The following NRG1 variants were observed in gnomAD, a reference collection of about 807,000 sequenced individuals.
The protein encoded by NRG1 is pro-neuregulin-1, membrane-bound isoform.
NRG1 carries 18 observed loss-of-function variants against 63.8 expected under a neutral mutation model. That is an observed-to-expected ratio of 0.28 (90% CI 0.19 to 0.42). NRG1 has a LOEUF of 0.42. Ranked by LOEUF, NRG1 falls within the 10% of genes least tolerant of loss-of-function variation. The probability of loss-of-function intolerance (pLI) is 1.00; values close to 1 mark genes in which losing one functional copy is unlikely to be tolerated. For missense variants in NRG1, 762 were observed against 814.7 expected (o/e 0.94, Z 0.79); for synonymous variants, 302 against 301.3 (o/e 1.00, Z -0.02).
At chr8:31,969,090 T>C (rs192333516) in intron 1 of NRG1, among the ~76,000 whole-genome samples, 7 of 152,226 alleles carry the variant, frequency 4.6e-5, no homozygotes, top group African/African-American at 1.4e-4. Context: ...TCCTGTGTAG[T>C]GAGATGCCAT....
At chr8:31,736,809 G>C (rs776366594) in intron 1 of NRG1, among the ~76,000 whole-genome samples, 4 of 152,128 alleles carry the variant, frequency 2.6e-5, no homozygotes, top group South Asian at 4.1e-4. Flanking sequence ...AACTCAAGTA[G>C]ATAAGTAGCA....
chr8:32,656,178 T>C (rs560180503), intron 5 of NRG1, among the ~76,000 whole-genome samples: 28 of 152,234 alleles, frequency 1.8e-4, no homozygotes, highest in South Asian at 4.1e-4. Context: ...TATAATATTC[T>C]AAATAAAGGG....
chr8:31,715,415 C>T (rs1414211520), intron 1 of NRG1, among the ~76,000 whole-genome samples: 1 of 152,082 alleles, frequency 6.6e-6, no homozygotes, highest in Non-Finnish European at 1.5e-5. Context: ...CACTTGAATG[C>T]ATGGGCTGCT....
At chr8:32,407,300 A>AT (rs1814180692) in intron 1 of NRG1, among the ~76,000 whole-genome samples, 2 of 7,968 alleles carry the variant, frequency 2.5e-4, no homozygotes, top group Admixed American at 2.0e-3. Context: ...TATATTATAT[A>AT]TATATATATA....
At chr8:32,264,403 CA>C (rs1191928378) in intron 1 of NRG1, among the ~76,000 whole-genome samples, 1 of 151,814 alleles carries the variant, frequency 6.6e-6, no homozygotes, top group Non-Finnish European at 1.5e-5. Context: ...AACATTAGCA[CA>C]AAAAAATGTG....
At chr8:31,775,943 A>G (rs908460000) in intron 1 of NRG1, among the ~76,000 whole-genome samples, 3 of 151,360 alleles carry the variant, frequency 2.0e-5, no homozygotes, top group Non-Finnish European at 2.9e-5. Flanking sequence ...TTATTGGAAT[A>G]TGAAGCATTT....
chr8:32,175,483 G>T (rs1201463833), intron 1 of NRG1, among the ~76,000 whole-genome samples: 2 of 152,172 alleles, frequency 1.3e-5, no homozygotes, highest in African/African-American at 4.8e-5. Context: ...TTTGGCCAGG[G>T]CTATCAGGCA....
chr8:31,979,404 C>A (rs1808715676), intron 1 of NRG1, among the ~76,000 whole-genome samples: 1 of 152,104 alleles, frequency 6.6e-6, no homozygotes, highest in African/African-American at 2.4e-5. Flanking sequence ...CTTATATTTA[C>A]ACTGTTCTAT....
At chr8:31,735,911 C>T (rs1814619122) in intron 1 of NRG1, among the ~76,000 whole-genome samples, 2 of 152,194 alleles carry the variant, frequency 1.3e-5, no homozygotes, top group South Asian at 4.1e-4. Flanking sequence ...ACTTTAACTG[C>T]TACCATCCGT....
chr8:31,834,003 G>A (rs1825425489), intron 1 of NRG1, among the ~76,000 whole-genome samples: 1 of 152,172 alleles, frequency 6.6e-6, no homozygotes, highest in African/African-American at 2.4e-5. Context: ...TTCTGGACTG[G>A]CTTGCAGGTG....
chr8:32,430,018 A>G (rs993817877), intron 1 of NRG1, among the ~76,000 whole-genome samples: 3 of 152,204 alleles, frequency 2.0e-5, no homozygotes, highest in Admixed American at 6.5e-5. Flanking sequence ...AATGCACTAT[A>G]GGTTCAAATA....
At chr8:32,518,761 T>C (rs773170033) in intron 1 of NRG1, among the ~76,000 whole-genome samples, 1 of 152,142 alleles carries the variant, frequency 6.6e-6, no homozygotes, top group Non-Finnish European at 1.5e-5. Context: ...TTTGATTTGG[T>C]GTAATGGCAG....
At chr8:32,758,850 A>G (rs1426283946) in intron 9 of NRG1, among the ~76,000 whole-genome samples, 1 of 152,086 alleles carries the variant, frequency 6.6e-6, no homozygotes, top group Non-Finnish European at 1.5e-5. Flanking sequence ...GAGATTCTGA[A>G]TATTTTTTTC....
intron 5 of NRG1, among the ~76,000 whole-genome samples, chr8:32,702,128 G>A (rs1815057115): frequency 6.6e-6 from 1 of 152,112 alleles, no homozygotes; most frequent in Non-Finnish European, 1.5e-5. Flanking sequence ...GGGAATACGA[G>A]TCATTTATAA....
intron 1 of NRG1, among the ~76,000 whole-genome samples, chr8:31,750,309 C>T (rs1563358131): frequency 6.6e-6 from 1 of 151,892 alleles, no homozygotes; most frequent in Non-Finnish European, 1.5e-5. Context: ...AAGAAAGAAG[C>T]ACCGTGCTCC....
At chr8:32,436,033 C>T (rs1027710064) in intron 1 of NRG1, among the ~76,000 whole-genome samples, 4 of 152,136 alleles carry the variant, frequency 2.6e-5, no homozygotes, top group Non-Finnish European at 5.9e-5. Context: ...GTATTAATCA[C>T]TTCTCACACT....
At chr8:32,131,271 T>C (rs539717434) in intron 1 of NRG1, among the ~76,000 whole-genome samples, 1 of 152,148 alleles carries the variant, frequency 6.6e-6, no homozygotes, top group African/African-American at 2.4e-5. Context: ...GAGGAATATG[T>C]AAGTGAGGAA....
chr8:32,390,105 C>T (rs1048117445), intron 1 of NRG1, among the ~76,000 whole-genome samples: 4 of 152,050 alleles, frequency 2.6e-5, no homozygotes, highest in Non-Finnish European at 5.9e-5. Context: ...CCTTTCTGCA[C>T]CCTCTTCACT....
intron 5 of NRG1, among the ~76,000 whole-genome samples, chr8:32,661,854 A>G (rs1173843432): frequency 1.3e-5 from 2 of 152,198 alleles, no homozygotes; most frequent in African/African-American, 4.8e-5. Flanking sequence ...AGATCAGAGT[A>G]CTGGTGGAGG....
Sources: gnomAD v4.1 joint callset for allele counts (sites outside exome capture counted in the v4.1 genomes callset) on GRCh38, gnomAD v4.1.1 for gene constraint, MANE v1.5 for transcripts, NCBI Gene and HGNC (gene_info 2026-07-23, HGNC 2026-07-21) for gene names.